The following CUX2 variants were observed in gnomAD, a reference collection of about 807,000 sequenced individuals.
CUX2 encodes cut like homeobox 2, also known as homeobox protein cut-like 2.
A neutral mutation model predicts 144.8 loss-of-function variants in CUX2; 40 were observed. The ratio of observed to expected loss-of-function variants is 0.28; its 90% CI spans 0.21 to 0.36. The LOEUF (loss-of-function observed/expected upper bound fraction) is 0.36. Among genes scored for constraint, CUX2 ranks in the 10% least tolerant of loss-of-function variants. The pLI, the probability that CUX2 is intolerant of heterozygous loss-of-function variation, is 1.00. For missense variants in CUX2, 1,615 were observed against 1,994.0 expected (o/e 0.81, Z 3.62); for synonymous variants, 827 against 875.6 (o/e 0.94, Z 0.98).
intron 3 of CUX2, among the ~76,000 whole-genome samples, chr12:111,221,737 ACTT>A (rs1881870536): frequency 6.6e-6 from 1 of 151,912 alleles, no homozygotes; most frequent in South Asian, 2.1e-4. Context: ...ATCTGGGCAT[ACTT>A]CTTATCTTTT....
chr12:111,120,136 C>T (rs528862619), intron 1 of CUX2, among the ~76,000 whole-genome samples: 28 of 152,164 alleles, frequency 1.8e-4, no homozygotes, highest in Non-Finnish European at 3.8e-4. Context: ...CATGGCCTTG[C>T]TCCATCATGA....
At chr12:111,080,437 C>T (rs1345144630) in intron 1 of CUX2, among the ~76,000 whole-genome samples, 3 of 151,862 alleles carry the variant, frequency 2.0e-5, no homozygotes, top group East Asian at 1.9e-4. Flanking sequence ...TTTGGGAAGC[C>T]GAGATGGGAG....
rs765217485 is a variant in CUX2 at position 111,341,868 on chromosome 12, G to A, written c.3474G>A (p.Leu1158=). The A allele has an allele frequency of 6.2e-7, 1 of 1,613,962 alleles. No individual in the cohort carries two copies. Among genetic ancestry groups the A allele is most frequent in the Non-Finnish European group, 8.5e-7 (1 of 1,180,010 alleles). ...GCTCAGAGTGCCCCAGCCCCTGCCT[G>A]CAGCCCCAGGACCTGAGCCTCCTGC... The part of the protein sequence containing the change: ...ATRSECPSPC[L]QPQDLSLLQI... Residue 1158 remains leucine, a synonymous_variant, in exon 21 of 22, where the codon CTG becomes CTA. Coordinates refer to ENST00000261726, the MANE Select transcript of CUX2 (RefSeq NM_015267.4).
chr12:111,231,843 C>A (rs992898906), intron 3 of CUX2, among the ~76,000 whole-genome samples: 5 of 152,138 alleles, frequency 3.3e-5, no homozygotes, highest in Non-Finnish European at 1.5e-5. Flanking sequence ...TGCAGTGGCT[C>A]ATGCCTGTAA....
rs1431563473 is a variant in CUX2 at position 111,077,170 on chromosome 12, A to G, written c.63+42930A>G. Among the ~76,000 whole-genome samples, 2 of 152,066 alleles carry G rather than the reference A, an allele frequency of 1.3e-5. No individual in the cohort carries two copies. ...CCTTTGCTGTAGTTCAAGGGAAATA[A>G]TTTATTAACTTGGGAATTCCAAATA... On this transcript the variant is annotated intron_variant, in intron 1 of 21. Transcript: ENST00000261726. The surrounding 1 kb of genome is among the most constrained non-coding windows in gnomAD (Gnocchi z 4.1).
intron 18 of CUX2, among the ~76,000 whole-genome samples, chr12:111,331,990 G>A (rs1399357944): frequency 6.6e-6 from 1 of 151,680 alleles, no homozygotes; most frequent in Non-Finnish European, 1.5e-5. Context: ...TGAGGCAGGA[G>A]AATCACTTGA....
At chr12:111,209,830 C>T (rs1224292077) in intron 1 of CUX2, among the ~76,000 whole-genome samples, 1 of 152,188 alleles carries the variant, frequency 6.6e-6, no homozygotes, top group African/African-American at 2.4e-5. Flanking sequence ...TGCACATTGG[C>T]CCGAGCCTCA....
chr12:111,056,624 G>GT (rs1361392683), intron 1 of CUX2, among the ~76,000 whole-genome samples: 7 of 152,216 alleles, frequency 4.6e-5, no homozygotes, highest in Non-Finnish European at 8.8e-5. Flanking sequence ...CAAGTTGCTA[G>GT]TATCACTTCC....
intron 3 of CUX2, among the ~76,000 whole-genome samples, chr12:111,222,698 G>A (rs1371743881): frequency 2.0e-5 from 3 of 152,146 alleles, no homozygotes; most frequent in Non-Finnish European, 4.4e-5. Flanking sequence ...CAGCTCATAG[G>A]ATTGCATGAG....
At chr12:111,165,925 C>T (rs902482432) in intron 1 of CUX2, among the ~76,000 whole-genome samples, 9 of 152,114 alleles carry the variant, frequency 5.9e-5, no homozygotes, top group Non-Finnish European at 7.3e-5. Context: ...GTGGTGATTA[C>T]TAATTACGAT....
In CUX2 at chr12:111,317,377, G is replaced by C. The variant is rs938050237; in HGVS notation, c.2003-2635G>C. 2.0e-5 allele frequency among the ~76,000 whole-genome samples: 3 copies of C among 151,554 alleles called. No homozygotes were observed. In the East Asian group the frequency reaches 5.9e-4, roughly 30 times the overall value. On this transcript the variant is annotated intron_variant, in intron 16 of 21. Transcript: ENST00000261726. ...CTGCCGCCTGCATGGCCTTCTCTCA[G>C]GTGTCTGTGTGTATGTGTGTACACA...
At chr12:111,216,912 T>A (rs1881564334) in intron 2 of CUX2, among the ~76,000 whole-genome samples, 1 of 152,208 alleles carries the variant, frequency 6.6e-6, no homozygotes, top group Non-Finnish European at 1.5e-5. Context: ...CTCTTCCTTT[T>A]CTGCTCTGTC....
chr12:111,312,067 G>T lies in CUX2; in HGVS notation c.1901-33G>T. The stretch of plus-strand genomic sequence containing the variant: ...CTCCGGAGACTGAGCCCAACATGCA[G>T]ATCCTGCCACAGATGCCTTCTTGCC... On this transcript the variant is annotated intron_variant, in intron 15 of 21. Coordinates refer to ENST00000261726, the MANE Select transcript of CUX2 (RefSeq NM_015267.4). This position sits in a 1 kb window ranked among gnomAD's most constrained non-coding sequence, Gnocchi z 4.3. 1 of 1,587,274 alleles carries T rather than the reference G, an allele frequency of 6.3e-7. No individual in the cohort carries two copies. The highest frequency in any genetic ancestry group is 8.6e-7 in the Non-Finnish European group (1 of 1,159,722).
At chr12:111,290,808 C>T (rs1221683027) in intron 4 of CUX2, among the ~76,000 whole-genome samples, 1 of 152,142 alleles carries the variant, frequency 6.6e-6, no homozygotes, top group African/African-American at 2.4e-5. Context: ...AAGTGATCCT[C>T]CCACCTTGGC....
chr12:111,349,829 GA>G lies in CUX2; in HGVS notation c.*1506del, dbSNP rs1422280176. Reference sequence around the variant, plus strand: ...GAGTGACTCCCCAGAATGAAGATGAGAAGGTGAATATAATCAATGCCAATGT... The same window carrying G: ...GAGTGACTCCCCAGAATGAAGATGAGAGGTGAATATAATCAATGCCAATGT... On this transcript the variant is annotated 3_prime_UTR_variant, in exon 22 of 22. Coordinates refer to ENST00000261726, the MANE Select transcript of CUX2 (RefSeq NM_015267.4). 6.6e-6 allele frequency: 1 copy of G among 152,172 alleles called. No individual in the cohort carries two copies. Among genetic ancestry groups the G allele is most frequent in the African/African-American group, 2.4e-5 (1 of 41,432 alleles). 9.4% of individuals were successfully genotyped at this position (152,172 alleles called of 1,614,324 possible).
chr12:111,069,242 G>A (rs558563246), intron 1 of CUX2, among the ~76,000 whole-genome samples: 5 of 152,204 alleles, frequency 3.3e-5, no homozygotes, highest in African/African-American at 1.2e-4. Flanking sequence ...TCCTTAGCAC[G>A]GAGCCCAATA....
At chr12:111,269,625 GA>G (rs1404350117) in intron 4 of CUX2, among the ~76,000 whole-genome samples, 1 of 152,192 alleles carries the variant, frequency 6.6e-6, no homozygotes, top group African/African-American at 2.4e-5. Context: ...AAGGGAAACA[GA>G]AGGGTCTTAC....
chr12:111,178,842 A>C lies in CUX2; in HGVS notation c.64-35358A>C, dbSNP rs917597361. On this transcript the variant is annotated intron_variant, in intron 1 of 21. Coordinates refer to ENST00000261726, the MANE Select transcript of CUX2 (RefSeq NM_015267.4). This position sits in a 1 kb window ranked among gnomAD's most constrained non-coding sequence, Gnocchi z 5.7. ...GGATGTCCTGTGGTGGTGATATCCCAGGGCTGAGCTGGAAGACCGTGTGCA... is the reference window on the plus strand; with the variant it reads ...GGATGTCCTGTGGTGGTGATATCCCCGGGCTGAGCTGGAAGACCGTGTGCA... Among the ~76,000 whole-genome samples the C allele has an allele frequency of 1.3e-5, 2 of 152,064 alleles. No homozygotes were observed. The highest frequency in any genetic ancestry group is 2.9e-5 in the Non-Finnish European group (2 of 68,012).
In CUX2 at chr12:111,150,772, G is replaced by T. The variant is rs530048323; in HGVS notation, c.64-63428G>T. 1.3e-4 allele frequency among the ~76,000 whole-genome samples: 19 copies of T among 151,808 alleles called. No homozygotes were observed. In the East Asian group the frequency reaches 3.3e-3, roughly 26 times the overall value. ...AGCCTCGGGGGGTGGGAGGGGTGGGGTGTGTGGAGGCCAGGGAGGAAAATT... is the reference window on the plus strand; with the variant it reads ...AGCCTCGGGGGGTGGGAGGGGTGGGTTGTGTGGAGGCCAGGGAGGAAAATT... On this transcript the variant is annotated intron_variant, in intron 1 of 21. Coordinates refer to ENST00000261726, the MANE Select transcript of CUX2 (RefSeq NM_015267.4).
Sources: gnomAD v4.1 joint callset for allele counts (sites outside exome capture counted in the v4.1 genomes callset) on GRCh38, gnomAD v4.1.1 for gene constraint, Gnocchi (gnomAD v3.1) non-coding constraint, MANE v1.5 for transcripts, NCBI Gene and HGNC (gene_info 2026-07-23, HGNC 2026-07-21) for gene names.